CCSER1: variants seen among roughly 807,000 people sequenced by gnomAD.
CCSER1 encodes serine-rich coiled-coil domain-containing protein 1.
Under a neutral mutation model 82.0 loss-of-function variants are expected in CCSER1, and 41 were observed. That is an observed-to-expected ratio of 0.50 (90% CI 0.39 to 0.65). The LOEUF (loss-of-function observed/expected upper bound fraction) is 0.65. CCSER1 is among the 30% of genes least tolerant of loss of function. The pLI is 0.00. For missense variants in CCSER1, 1,119 were observed against 1,064.2 expected, an observed-to-expected ratio of 1.05 and a Z score of -0.72; for synonymous variants, 414 against 383.9, an observed-to-expected ratio of 1.08 and a Z score of -0.92.
chr4:90,552,657 G>A (rs546417863), intron 5 of CCSER1, among the ~76,000 whole-genome samples: 8 of 151,862 alleles, frequency 5.3e-5, no homozygotes, highest in South Asian at 4.1e-4. Context: ...GGTTTTTGCC[G>A]TGTTGCCCAG....
At position 91,581,520 on chromosome 4, in the gene CCSER1, T is replaced by C. The variant is rs550796613; in HGVS notation, c.2218-17052T>C. On this transcript the variant is annotated intron_variant, in intron 10 of 10. Coordinates refer to ENST00000509176, the MANE Select transcript of CCSER1 (RefSeq NM_001145065.2). ...CTAAATGACATCCTGTGTGGGATCA[T>C]TGTCTATACTGGAGGCTGATAGGCA... Among the ~76,000 whole-genome samples, 19 of 151,704 alleles carry C rather than the reference T, an allele frequency of 1.3e-4. No individual in the cohort carries two copies. In the South Asian group the frequency reaches 3.9e-3, roughly 31 times the overall value.
rs565780509 is a variant in CCSER1, at chr4:90,542,455, A to G, written c.1724+74101A>G. On this transcript the variant is annotated intron_variant, in intron 5 of 10. Transcript: ENST00000509176. Reference sequence around the variant, plus strand: ...GTTGCTATGGGATAACATTGCATCAATAACAGGAAAGCGATCCAACTAAGC... The same window carrying G: ...GTTGCTATGGGATAACATTGCATCAGTAACAGGAAAGCGATCCAACTAAGC... Among the ~76,000 whole-genome samples the G allele has an allele frequency of 2.0e-4, 30 of 152,262 alleles. 1 individual carries two copies. The highest frequency in any genetic ancestry group is 1.6e-3 in the Admixed American group (25 of 15,278).
intron 1 of CCSER1, among the ~76,000 whole-genome samples, chr4:90,128,410 C>T (rs1396846505): frequency 6.6e-6 from 1 of 152,170 alleles, no homozygotes. Context: ...GAAGCAAGAC[C>T]CTGCCCAGAG....
chr4:90,986,242 TC>T (rs1561447376), intron 9 of CCSER1, among the ~76,000 whole-genome samples: 7 of 151,880 alleles, frequency 4.6e-5, no homozygotes, highest in South Asian at 2.1e-4. Context: ...TGTCTTTTTC[TC>T]TTAACTTATA....
At chr4:90,665,543 G>T (rs557634091) in intron 6 of CCSER1, among the ~76,000 whole-genome samples, 2 of 151,970 alleles carry the variant, frequency 1.3e-5, no homozygotes, top group Non-Finnish European at 2.9e-5. Context: ...GGATGGTCTC[G>T]ATCTCCTGAC....
At chr4:90,271,624 A>G (rs375372378) in intron 1 of CCSER1, among the ~76,000 whole-genome samples, 1 of 151,802 alleles carries the variant, frequency 6.6e-6, no homozygotes, top group Non-Finnish European at 1.5e-5. Context: ...AGGCAACTAA[A>G]GCAAAAGTGG....
At chr4:90,571,511 A>G (rs1780116672) in intron 5 of CCSER1, among the ~76,000 whole-genome samples, 1 of 152,180 alleles carries the variant, frequency 6.6e-6, no homozygotes, top group Non-Finnish European at 1.5e-5. Flanking sequence ...ACCAAATACC[A>G]CATATTCTTA....
At chr4:91,215,418 C>T (rs1340893178) in intron 10 of CCSER1, among the ~76,000 whole-genome samples, 1 of 152,092 alleles carries the variant, frequency 6.6e-6, no homozygotes, top group African/African-American at 2.4e-5. Context: ...TATTAAGGAG[C>T]ATTGACTCAC....
intron 10 of CCSER1, among the ~76,000 whole-genome samples, chr4:91,562,841 A>G (rs1312110347): frequency 6.6e-6 from 1 of 151,684 alleles, no homozygotes; most frequent in Non-Finnish European, 1.5e-5. Context: ...TTTTCAGGAA[A>G]TGAAATAATG....
chr4:91,115,339 CT>C (rs1726458337), intron 10 of CCSER1, among the ~76,000 whole-genome samples: 1 of 150,964 alleles, frequency 6.6e-6, no homozygotes, highest in Non-Finnish European at 1.5e-5. Flanking sequence ...TCTTTTTTTT[CT>C]TTTTGAGATG....
At chr4:90,672,596 T>C (rs1732998833) in intron 6 of CCSER1, among the ~76,000 whole-genome samples, 1 of 152,080 alleles carries the variant, frequency 6.6e-6, no homozygotes, top group Non-Finnish European at 1.5e-5. Context: ...AGTAGTACTT[T>C]TAATTTCCTT....
At chr4:90,708,340 C>T (rs1029528174) in intron 6 of CCSER1, among the ~76,000 whole-genome samples, 9 of 152,178 alleles carry the variant, frequency 5.9e-5, no homozygotes, top group Admixed American at 1.3e-4. Flanking sequence ...GCAGAACACA[C>T]GTTCTCTGCA....
chr4:90,360,126 C>T (rs1479268992), intron 3 of CCSER1, among the ~76,000 whole-genome samples: 1 of 148,210 alleles, frequency 6.7e-6, no homozygotes, highest in Admixed American at 6.7e-5. Context: ...ACTATGTTGG[C>T]CAGGCTGGTC....
intron 9 of CCSER1, among the ~76,000 whole-genome samples, chr4:90,968,089 C>A (rs1217152419): frequency 6.6e-6 from 1 of 151,746 alleles, no homozygotes; most frequent in Non-Finnish European, 1.5e-5. Context: ...CCAAACCTCA[C>A]AGATAACATG....
At chr4:90,209,773 T>G (rs541232820) in intron 1 of CCSER1, among the ~76,000 whole-genome samples, 2 of 152,044 alleles carry the variant, frequency 1.3e-5, no homozygotes, top group East Asian at 3.9e-4. Context: ...TCTAGTGTTT[T>G]TTTTTTTTTT....
At chr4:91,342,145 C>A (rs906763506) in intron 10 of CCSER1, among the ~76,000 whole-genome samples, 7 of 152,190 alleles carry the variant, frequency 4.6e-5, no homozygotes, top group Middle Eastern at 6.8e-3. Flanking sequence ...AATATATTGA[C>A]ATTTGTAATT....
intron 10 of CCSER1, among the ~76,000 whole-genome samples, chr4:91,218,044 G>A (rs557582690): frequency 2.0e-5 from 3 of 152,294 alleles, no homozygotes; most frequent in South Asian, 2.1e-4. Context: ...GGGAGGCTCC[G>A]GCCGCACAGG....
At chr4:90,335,395 A>G (rs975743129) in intron 3 of CCSER1, among the ~76,000 whole-genome samples, 2 of 152,122 alleles carry the variant, frequency 1.3e-5, no homozygotes, top group East Asian at 1.9e-4. Context: ...AGAAATACAA[A>G]CAAACATGTC....
At chr4:90,556,093 A>C (rs1441448237) in intron 5 of CCSER1, among the ~76,000 whole-genome samples, 2 of 152,106 alleles carry the variant, frequency 1.3e-5, no homozygotes, top group Non-Finnish European at 2.9e-5. Flanking sequence ...AGGAAAAAAA[A>C]GTGTTTTGCT....
Sources: allele counts gnomAD v4.1 joint callset (sites outside exome capture counted in the v4.1 genomes callset), GRCh38; gene constraint gnomAD v4.1.1; transcripts MANE v1.5; gene names NCBI Gene and HGNC (gene_info 2026-07-23, HGNC 2026-07-21).